OSBPL10: variants seen among roughly 807,000 people sequenced by gnomAD.
OSBPL10 encodes the protein oxysterol-binding protein-related protein 10.
A neutral mutation model predicts 81.7 loss-of-function variants in OSBPL10; 49 were observed. The ratio of observed to expected loss-of-function variants is 0.60; its 90% CI spans 0.48 to 0.76. OSBPL10 has a LOEUF of 0.76. Among genes scored for constraint, OSBPL10 ranks in the 30% least tolerant of loss-of-function variants. OSBPL10 has a pLI of 0.00. For synonymous variants in OSBPL10, 419 were observed against 383.6 expected (o/e 1.09, Z -1.08); for missense variants, 923 against 987.8 (o/e 0.93, Z 0.88).
chr3:31,787,573 C>A (rs542917821), intron 4 of OSBPL10, among the ~76,000 whole-genome samples: 1 of 143,434 alleles, frequency 7.0e-6, no homozygotes, highest in Admixed American at 7.3e-5. Context: ...CCAGCCTGGA[C>A]GACAGAGCAA....
In OSBPL10 at chr3:31,702,491, T is replaced by C. The variant is rs557670585; in HGVS notation, c.1113A>G (p.Glu371=). ...TTTTTTCATCTTCAGACAAAACCAA[T>C]TCAGAGCCTGAGTTTGGCTAAAATG... ...QPEPEPNSGS[E]LVLSEDEKSD... is the part of the protein sequence containing the mutation. The change falls in exon 7 of 12, where the codon GAA becomes GAG. Residue 371 remains glutamate (E), a synonymous_variant. Coordinates refer to ENST00000396556, the MANE Select transcript of OSBPL10 (RefSeq NM_017784.5). 3 of 1,614,176 alleles carry C rather than the reference T, an allele frequency of 1.9e-6. No homozygotes were observed. In the South Asian group the frequency reaches 3.3e-5, roughly 18 times the overall value.
rs577534844 is a variant in OSBPL10 at position 31,932,929 on chromosome 3, C to T, written c.281+47970G>A. Reference sequence around the variant, plus strand: ...TTCATAAGACATACATTTGTCAAAACTCATTGAACTGTACACTTGAAAAGG... The same window carrying T: ...TTCATAAGACATACATTTGTCAAAATTCATTGAACTGTACACTTGAAAAGG... On this transcript the variant is annotated intron_variant, in intron 1 of 11. Transcript: ENST00000396556. Among the ~76,000 whole-genome samples the T allele has an allele frequency of 1.8e-3, 275 of 152,188 alleles. 1 individual carries two copies. Among genetic ancestry groups the T allele is most frequent in the African/African-American group, 6.4e-3 (265 of 41,516 alleles).
At chr3:31,922,285 G>A (rs1575616833) in intron 1 of OSBPL10, among the ~76,000 whole-genome samples, 1 of 152,222 alleles carries the variant, frequency 6.6e-6, no homozygotes, top group Admixed American at 6.5e-5. Flanking sequence ...TGTGGGAGTT[G>A]GGGGGAGTAT....
chr3:31,887,640 T>C (rs60524213), intron 1 of OSBPL10, among the ~76,000 whole-genome samples: 5,247 of 152,284 alleles, frequency 0.034, 314 homozygotes, highest in African/African-American at 0.12. Context: ...GAAGAGTTTA[T>C]ACTCAAAAAC....
At chr3:31,917,223 G>A (rs1696782741) in intron 1 of OSBPL10, among the ~76,000 whole-genome samples, 1 of 152,140 alleles carries the variant, frequency 6.6e-6, no homozygotes, top group Non-Finnish European at 1.5e-5. Context: ...TGTGAGGTGG[G>A]GCCAAGGGCC....
chr3:31,694,109 G>T (rs1191672293), intron 7 of OSBPL10, among the ~76,000 whole-genome samples: 1 of 152,140 alleles, frequency 6.6e-6, no homozygotes, highest in Non-Finnish European at 1.5e-5. Context: ...AAAGGCTCTT[G>T]CCTGTAATCC....
At chr3:31,767,595 C>T (rs1354346534) in intron 4 of OSBPL10, among the ~76,000 whole-genome samples, 1 of 152,170 alleles carries the variant, frequency 6.6e-6, no homozygotes, top group African/African-American at 2.4e-5. Flanking sequence ...CCCCAAGTCT[C>T]TCAGAGCCCT....
chr3:31,662,228 C>T lies in OSBPL10; in HGVS notation c.2251-112G>A, dbSNP rs558816251. 392 of 1,559,810 alleles carry T rather than the reference C, an allele frequency of 2.5e-4. 1 individual carries two copies. The African/African-American group carries it at 3.7e-3, about 15-fold the overall frequency. On this transcript the variant is annotated intron_variant, in intron 11 of 11. Transcript: ENST00000396556. ...GTCTGCCGTGTCTTAATACCTCACA[C>T]GCAGGCCAGGCTGCTGGCCTCAGTA...
intron 1 of OSBPL10, among the ~76,000 whole-genome samples, chr3:31,880,457 C>T (rs976775164): frequency 6.6e-6 from 1 of 152,202 alleles, no homozygotes; most frequent in East Asian, 1.9e-4. Flanking sequence ...AGAAGAAGAA[C>T]TCCAATTTGC....
intron 6 of OSBPL10, chr3:31,705,072 G>C (rs1228762917): frequency 2.0e-5 from 3 of 152,234 alleles, no homozygotes; most frequent in African/African-American, 7.2e-5. Flanking sequence ...ATGACTGGTG[G>C]CCCTGAAGTC....
Position 32,000,414 on chromosome 3 carries a change from C to T in OSBPL10, n.298+46077G>A, listed in dbSNP as rs182673384. On this transcript the variant is annotated intron_variant and non_coding_transcript_variant, in intron 2 of 3. Coordinates refer to the OSBPL10 transcript ENST00000479173. ...TTCATAGCTATATGACCTCTCTGGG[C>T]CTCAGTCTCCTTAACGGTCATATGA... 1.3e-3 allele frequency among the ~76,000 whole-genome samples: 197 copies of T among 152,262 alleles called. 1 individual carries two copies. Among genetic ancestry groups the T allele is most frequent in the African/African-American group, 4.4e-3 (183 of 41,556 alleles).
rs539906373 is a variant in OSBPL10, at chr3:31,675,979, C to T, written c.1727-4996G>A. Among the ~76,000 whole-genome samples, 7 of 149,948 alleles carry T rather than the reference C, an allele frequency of 4.7e-5. No homozygotes were observed. The East Asian group carries it at 9.8e-4, about 21-fold the overall frequency. ...AAAAAAAAAAAAGAGGAAACTACAACGTCTTCCAATAGGCTATACCTGTGA... is the reference window on the plus strand; with the variant it reads ...AAAAAAAAAAAAGAGGAAACTACAATGTCTTCCAATAGGCTATACCTGTGA... On this transcript the variant is annotated intron_variant, in intron 8 of 11. Coordinates refer to ENST00000396556, the MANE Select transcript of OSBPL10 (RefSeq NM_017784.5).
chr3:31,757,432 C>A (rs1408587521), intron 4 of OSBPL10, among the ~76,000 whole-genome samples: 2 of 152,146 alleles, frequency 1.3e-5, no homozygotes, highest in African/African-American at 2.4e-5. Flanking sequence ...AGAAGATGAT[C>A]ATCTACAAGC....
chr3:31,793,633 A>G (rs1176689349), intron 4 of OSBPL10, among the ~76,000 whole-genome samples: 1 of 152,210 alleles, frequency 6.6e-6, no homozygotes, highest in Non-Finnish European at 1.5e-5. Flanking sequence ...CTTAAAAAGC[A>G]CCTCTGGTTT....
intron 9 of OSBPL10, 41 bp from the exon 10 acceptor site, chr3:31,668,865 A>T (rs745376214): frequency 1.4e-6 from 2 of 1,470,136 alleles, no homozygotes; most frequent in Non-Finnish European, 1.8e-6. Flanking sequence ...TTTCAAAATG[A>T]TAAAAACAGA....
rs910362213 is a variant in OSBPL10 at position 31,838,524 on chromosome 3, A to C, written c.538-8293T>G. ...AGACTCTGTCAAAAAAAAAAAAAAA[A>C]AAAAAAAAAAAAACCTCATATATTG... On this transcript the variant is annotated intron_variant, in intron 3 of 11. Transcript: ENST00000396556. 1.8e-3 allele frequency among the ~76,000 whole-genome samples: 274 copies of C among 151,230 alleles called. 2 individuals are homozygous for C. Among genetic ancestry groups the C allele is most frequent in the African/African-American group, 6.4e-3 (262 of 41,250 alleles).
At chr3:31,841,196 C>T (rs111749990) in intron 3 of OSBPL10, among the ~76,000 whole-genome samples, 19 of 152,348 alleles carry the variant, frequency 1.2e-4, no homozygotes, top group East Asian at 7.7e-4. Context: ...CATGAGCCAC[C>T]GCACCTGGCC....
chr3:31,797,013 T>TTTTTTA (rs1553626788), intron 4 of OSBPL10, among the ~76,000 whole-genome samples: 1 of 144,008 alleles, frequency 6.9e-6, no homozygotes, highest in Admixed American at 6.7e-5. Context: ...TTTTTTTTTT[T>TTTTTTA]GAGACAGAGG....
chr3:31,673,153 T>C (rs1700369623), intron 8 of OSBPL10, among the ~76,000 whole-genome samples: 1 of 152,092 alleles, frequency 6.6e-6, no homozygotes, highest in African/African-American at 2.4e-5. Flanking sequence ...CAGATGACCC[T>C]GGAGGCCCTG....
Sources: gnomAD v4.1 joint callset for allele counts (sites outside exome capture counted in the v4.1 genomes callset) on GRCh38, gnomAD v4.1.1 for gene constraint, MANE v1.5 for transcripts, NCBI Gene and HGNC (gene_info 2026-07-23, HGNC 2026-07-21) for gene names.